FOXP1: variants seen among roughly 807,000 people sequenced by gnomAD.
FOXP1 encodes the protein forkhead box P1.
In FOXP1, 15 loss-of-function variants were observed where a neutral mutation model predicts 98.2. That is an observed-to-expected ratio of 0.15 (90% CI 0.10 to 0.24). The LOEUF is 0.24. Ranked by LOEUF, FOXP1 falls within the 10% of genes least tolerant of loss-of-function variation. The probability of loss-of-function intolerance (pLI) is 1.00; values close to 1 mark genes in which losing one functional copy is unlikely to be tolerated. For synonymous variants in FOXP1, 371 were observed against 314.5 expected (o/e 1.18, Z -1.90); for missense variants, 633 against 848.5 (o/e 0.75, Z 3.15).
At chr3:71,565,136 C>T (rs1483867246) in intron 2 of FOXP1, among the ~76,000 whole-genome samples, 7 of 152,164 alleles carry the variant, frequency 4.6e-5, no homozygotes, top group Middle Eastern at 3.4e-3. Context: ...AAATCATCCA[C>T]TGAGGAGTTA....
At chr3:71,429,145 T>C (rs1287855983) in intron 3 of FOXP1, among the ~76,000 whole-genome samples, 1 of 152,132 alleles carries the variant, frequency 6.6e-6, no homozygotes, top group African/African-American at 2.4e-5. Context: ...GCTGCCCTCA[T>C]GCTCTGCATG....
intron 14 of FOXP1, 89 bp from the exon 15 acceptor site, chr3:70,978,118 C>T (rs908019174): frequency 1.2e-5 from 12 of 1,025,656 alleles, no homozygotes; most frequent in East Asian, 4.8e-5. Flanking sequence ...ACAGAGGATG[C>T]GTGGGCACCG....
intron 3 of FOXP1, among the ~76,000 whole-genome samples, chr3:71,460,284 A>G (rs1284286672): frequency 6.7e-6 from 1 of 148,426 alleles, no homozygotes; most frequent in East Asian, 2.0e-4. Flanking sequence ...CTATCACCCA[A>G]GCTGGAATGC....
At chr3:71,223,261 T>C (rs1004138133) in intron 5 of FOXP1, among the ~76,000 whole-genome samples, 4 of 152,240 alleles carry the variant, frequency 2.6e-5, no homozygotes, top group African/African-American at 9.6e-5. Flanking sequence ...TCCTAGTTAG[T>C]TGCTGTTTTC....
intron 4 of FOXP1, among the ~76,000 whole-genome samples, chr3:71,337,150 T>A (rs934977445): frequency 6.6e-6 from 1 of 152,144 alleles, no homozygotes; most frequent in East Asian, 1.9e-4. Context: ...ACATGAGTTG[T>A]TTTTGGAAAG....
chr3:71,326,649 C>A (rs1384787829), intron 4 of FOXP1, among the ~76,000 whole-genome samples: 1 of 152,180 alleles, frequency 6.6e-6, no homozygotes, highest in Non-Finnish European at 1.5e-5. Context: ...ATAAAATCTT[C>A]CTCGTCTAAA....
In FOXP1 at chr3:71,124,244, G is replaced by A. The variant is rs191932613; in HGVS notation, c.181-11607C>T. The stretch of plus-strand genomic sequence containing the variant: ...TCTATTTGTGTGTACCTGCATAGTC[G>A]TTTGACAGGCCCAACCTGAAAAAAA... On this transcript the variant is annotated intron_variant, in intron 6 of 20. Transcript: ENST00000649528. Among the ~76,000 whole-genome samples the A allele has an allele frequency of 3.6e-4, 55 of 151,028 alleles. No homozygotes were observed. The East Asian group carries it at 8.7e-3, about 24-fold the overall frequency.
intron 1 of FOXP1, chr3:71,582,117 G>C: frequency 1.0e-6 from 1 of 981,716 alleles, no homozygotes; most frequent in Non-Finnish European, 1.2e-6. Context: ...AAACACATGG[G>C]AGGGGGGCAT....
At chr3:71,562,327 G>A (rs1451917198) in intron 2 of FOXP1, among the ~76,000 whole-genome samples, 1 of 152,190 alleles carries the variant, frequency 6.6e-6, no homozygotes, top group Admixed American at 6.5e-5. Context: ...TTCACCACCA[G>A]CCTTACGCAG....
At chr3:71,079,349 T>C (rs1462613468) in intron 7 of FOXP1, among the ~76,000 whole-genome samples, 1 of 152,328 alleles carries the variant, frequency 6.6e-6, no homozygotes, top group South Asian at 2.1e-4. Flanking sequence ...CTCTTCACTC[T>C]ACACTAGTAC....
intron 11 of FOXP1, among the ~76,000 whole-genome samples, chr3:71,033,065 T>C (rs1480445627): frequency 6.6e-6 from 1 of 152,182 alleles, no homozygotes; most frequent in African/African-American, 2.4e-5. Context: ...ACTCTTCTCC[T>C]GCCACATGCT....
chr3:71,152,185 G>A (rs1284597931), intron 6 of FOXP1, among the ~76,000 whole-genome samples: 1 of 152,124 alleles, frequency 6.6e-6, no homozygotes, highest in Admixed American at 6.5e-5. Flanking sequence ...TGTGGAGAGG[G>A]CCACACATAG....
chr3:71,204,157 G>C (rs550442073), intron 5 of FOXP1, among the ~76,000 whole-genome samples: 1 of 152,100 alleles, frequency 6.6e-6, no homozygotes, highest in Non-Finnish European at 1.5e-5. Flanking sequence ...AATTACTCAT[G>C]TTGCATCATT....
intron 5 of FOXP1, among the ~76,000 whole-genome samples, chr3:71,241,120 G>A (rs1200643268): frequency 6.6e-6 from 1 of 151,696 alleles, no homozygotes; most frequent in Non-Finnish European, 1.5e-5. Flanking sequence ...TGAGGCAGGA[G>A]ACTAGCTTGA....
intron 11 of FOXP1, among the ~76,000 whole-genome samples, chr3:71,039,303 T>C (rs2048016910): frequency 5.9e-5 from 9 of 152,208 alleles, no homozygotes; most frequent in Admixed American, 5.9e-4. Context: ...ACAACTTTTG[T>C]GCAGACAAAT....
chr3:71,161,992 C>A (rs1011602548), intron 6 of FOXP1, among the ~76,000 whole-genome samples: 5 of 152,154 alleles, frequency 3.3e-5, no homozygotes, highest in African/African-American at 7.2e-5. Flanking sequence ...GGGAAAAGCT[C>A]CCTTAGTATA....
chr3:71,320,443 C>A (rs1329190218), intron 4 of FOXP1, among the ~76,000 whole-genome samples: 1 of 151,938 alleles, frequency 6.6e-6, no homozygotes, highest in Admixed American at 6.6e-5. Context: ...CAGATCTAGC[C>A]TACCACCGTA....
At chr3:71,576,414 C>T (rs528053208) in intron 2 of FOXP1, among the ~76,000 whole-genome samples, 49 of 152,150 alleles carry the variant, frequency 3.2e-4, no homozygotes, top group African/African-American at 1.1e-3. Flanking sequence ...GAGATGTTCC[C>T]GAACACAGCA....
At chr3:71,283,302 A>ACCC (rs2071761022) in intron 5 of FOXP1, among the ~76,000 whole-genome samples, 1 of 151,542 alleles carries the variant, frequency 6.6e-6, no homozygotes, top group African/African-American at 2.4e-5. Flanking sequence ...CCCACCCCCA[A>ACCC]CCCCCAGCAG....
Sources: allele counts gnomAD v4.1 joint callset (sites outside exome capture counted in the v4.1 genomes callset), GRCh38; gene constraint gnomAD v4.1.1; transcripts MANE v1.5; gene names NCBI Gene and HGNC (gene_info 2026-07-23, HGNC 2026-07-21).